Variants in ANO3 observed in about 807,000 individuals in gnomAD.
ANO3 encodes anoctamin 3, also known as anoctamin-3.
ANO3 carries 99 observed loss-of-function variants against 144.8 expected under a neutral mutation model. That is an observed-to-expected ratio of 0.68 (90% confidence interval 0.58 to 0.81). ANO3 has a LOEUF of 0.81. Among genes scored for constraint, ANO3 ranks in the 30% least tolerant of loss-of-function variants. The pLI is 0.00. For missense variants in ANO3, 905 were observed against 1,202.2 expected (o/e 0.75, Z 3.66); for synonymous variants, 414 against 392.6 (o/e 1.05, Z -0.64).
intron 14 of ANO3, chr11:26,563,252 T>C: frequency 6.3e-7 from 1 of 1,597,764 alleles, no homozygotes; most frequent in Non-Finnish European, 8.5e-7. Context: ...ATACTATTCC[T>C]GTATTTCTAT....
chr11:26,252,241 G>A (rs187164850), intron 1 of ANO3, among the ~76,000 whole-genome samples: 271 of 152,240 alleles, frequency 1.8e-3, no homozygotes, highest in African/African-American at 5.7e-3. Flanking sequence ...TCTGATTCTA[G>A]AGTATAAAAT....
At chr11:26,279,519 G>T (rs1853632025) in intron 1 of ANO3, among the ~76,000 whole-genome samples, 1 of 152,096 alleles carries the variant, frequency 6.6e-6, no homozygotes, top group South Asian at 2.1e-4. Flanking sequence ...TATTAAAATG[G>T]GCAAAGGATT....
intron 14 of ANO3, chr11:26,567,029 G>GT: frequency 6.8e-7 from 1 of 1,472,738 alleles, no homozygotes; most frequent in South Asian, 1.5e-5. Flanking sequence ...AAAGTTTACA[G>GT]TATCATCTTA....
chr11:26,594,904 T>A (rs552037259), intron 14 of ANO3, among the ~76,000 whole-genome samples: 17 of 152,118 alleles, frequency 1.1e-4, no homozygotes, highest in Non-Finnish European at 2.4e-4. Flanking sequence ...GCCAGGTTTC[T>A]CCCCCTTGAA....
intron 10 of ANO3, among the ~76,000 whole-genome samples, chr11:26,541,678 A>T (rs1012784788): frequency 1.3e-5 from 2 of 152,162 alleles, no homozygotes; most frequent in African/African-American, 4.8e-5. Flanking sequence ...CCAAACAGTG[A>T]AGCCTAGAGT....
chr11:26,541,307 G>A (rs537567531), intron 10 of ANO3, among the ~76,000 whole-genome samples: 1 of 151,878 alleles, frequency 6.6e-6, no homozygotes, highest in African/African-American at 2.4e-5. Context: ...GGGTGGGGAG[G>A]TAGGGGAGGG....
At chr11:26,583,256 G>C (rs549486727) in intron 14 of ANO3, among the ~76,000 whole-genome samples, 1 of 152,126 alleles carries the variant, frequency 6.6e-6, no homozygotes, top group African/African-American at 2.4e-5. Flanking sequence ...TTTGCAAGGC[G>C]GGGGAAAGAT....
rs1346101400 is a variant in ANO3 at position 26,599,663 on chromosome 11, A to G, written c.1785A>G (p.Thr595=). 1 of 1,614,158 alleles carries G rather than the reference A, an allele frequency of 6.2e-7. No individual in the cohort carries two copies. The highest frequency in any genetic ancestry group is 8.5e-7 in the Non-Finnish European group (1 of 1,180,012). ...NFIKQYWQFA[T]SAAAVCINFI... ...TCAAACAATACTGGCAGTTTGCAACATCTGCTGCTGCTGTCTGTATCAATT... is the reference window on the plus strand; with the variant it reads ...TCAAACAATACTGGCAGTTTGCAACGTCTGCTGCTGCTGTCTGTATCAATT... The change falls in exon 17 of 27, where the codon ACA becomes ACG. Residue 595 remains threonine, a synonymous_variant. Transcript: ENST00000256737.
chr11:26,514,923 G>A (rs117555389), intron 5 of ANO3, among the ~76,000 whole-genome samples: 16,845 of 151,978 alleles, frequency 0.11, 1,311 homozygotes, highest in Admixed American at 0.16. Flanking sequence ...TGGAAAAAAA[G>A]TCACGGTCTT....
intron 1 of ANO3, among the ~76,000 whole-genome samples, chr11:26,410,185 A>C (rs1472621982): frequency 1.3e-5 from 2 of 151,966 alleles, no homozygotes; most frequent in Non-Finnish European, 1.5e-5. Flanking sequence ...CTAGGTTCCA[A>C]GTATCGTAGT....
At chr11:26,462,512 T>C in intron 3 of ANO3, among the ~76,000 whole-genome samples, 1 of 151,882 alleles carries the variant, frequency 6.6e-6, no homozygotes, top group East Asian at 1.9e-4. Flanking sequence ...TGTTCTTTCC[T>C]GACAGTTGTT....
At chr11:26,542,125 T>C in intron 11 of ANO3, 57 bp downstream of exon 11, 1 of 1,559,278 alleles carries the variant, frequency 6.4e-7, no homozygotes, top group Admixed American at 1.9e-5. Context: ...GTCATTGTCT[T>C]AGACTTGGAA....
At chr11:26,354,052 A>G (rs1256894298) in intron 1 of ANO3, among the ~76,000 whole-genome samples, 2 of 152,170 alleles carry the variant, frequency 1.3e-5, no homozygotes, top group Admixed American at 6.5e-5. Flanking sequence ...AAAATATTTT[A>G]TTTAGTTCCT....
intron 1 of ANO3, among the ~76,000 whole-genome samples, chr11:26,251,261 A>G (rs1852921300): frequency 6.6e-6 from 1 of 152,176 alleles, no homozygotes; most frequent in Non-Finnish European, 1.5e-5. Flanking sequence ...AAAGCTTTCT[A>G]ACTGAAAAGG....
chr11:26,468,331 G>A (rs1859671361), intron 4 of ANO3, among the ~76,000 whole-genome samples: 1 of 151,934 alleles, frequency 6.6e-6, no homozygotes, highest in Admixed American at 6.6e-5. Context: ...ATGAGTCTGA[G>A]AATATTAATC....
At position 26,561,087 on chromosome 11, in the gene ANO3, G is replaced by C. The variant is rs772239902; in HGVS notation, c.1447+1308G>C. 3 of 1,611,068 alleles carry C rather than the reference G, an allele frequency of 1.9e-6. 1 individual carries two copies. In the South Asian group the frequency reaches 3.3e-5, roughly 18 times the overall value. ...GTTCTATACAGAAGTACGAAGTGGA[G>C]GTATGTCATCCATAGGAATGCCATC... On this transcript the variant is annotated intron_variant, in intron 14 of 26. Coordinates refer to ENST00000256737, the MANE Select transcript of ANO3 (RefSeq NM_031418.4).
chr11:26,188,857 C>A (rs535803536), exon 1 of ANO3, among the ~76,000 whole-genome samples: 1 of 152,216 alleles, frequency 6.6e-6, no homozygotes, highest in East Asian at 1.9e-4. Context: ...TTCACTTAGC[C>A]CATTTTACTT....
At chr11:26,369,864 G>C (rs944254954) in intron 1 of ANO3, among the ~76,000 whole-genome samples, 1 of 152,136 alleles carries the variant, frequency 6.6e-6, no homozygotes, top group Non-Finnish European at 1.5e-5. Flanking sequence ...GATACTCAAA[G>C]ATGTTCAATT....
intron 1 of ANO3, among the ~76,000 whole-genome samples, chr11:26,242,396 A>C (rs1852681958): frequency 6.6e-6 from 1 of 152,186 alleles, no homozygotes; most frequent in Non-Finnish European, 1.5e-5. Context: ...TCACCACTTA[A>C]TCTCCAAGGC....
Sources: gnomAD v4.1 joint callset for allele counts (sites outside exome capture counted in the v4.1 genomes callset) on GRCh38, gnomAD v4.1.1 for gene constraint, MANE v1.5 for transcripts, NCBI Gene and HGNC (gene_info 2026-07-23, HGNC 2026-07-21) for gene names.